ATP8A1: variants seen among roughly 807,000 people sequenced by gnomAD.
The protein encoded by ATP8A1 is phospholipid-transporting ATPase IA.
ATP8A1 carries 90 observed loss-of-function variants against 177.7 expected under a neutral mutation model. The observed-to-expected ratio is 0.51, with a 90% confidence interval of 0.43 to 0.60. ATP8A1 has a LOEUF of 0.60. Ranked by LOEUF, ATP8A1 falls within the 20% of genes least tolerant of loss-of-function variation. ATP8A1 has a pLI of 0.00. For synonymous variants in ATP8A1, 493 were observed against 485.9 expected (o/e 1.01, Z -0.19); for missense variants, 1,072 against 1,392.8 (o/e 0.77, Z 3.67).
intron 30 of ATP8A1, among the ~76,000 whole-genome samples, chr4:42,447,746 C>T (rs531387836): frequency 1.3e-5 from 2 of 152,206 alleles, no homozygotes; most frequent in East Asian, 3.9e-4. Flanking sequence ...TTTGGAGACA[C>T]CGAAGTTTAG....
intron 5 of ATP8A1, among the ~76,000 whole-genome samples, chr4:42,605,946 CCTCTT>C (rs1735756028): frequency 6.6e-6 from 1 of 152,132 alleles, no homozygotes; most frequent in African/African-American, 2.4e-5. Context: ...AGCTGACATT[CCTCTT>C]CTCAAGGCCA....
chr4:42,444,028 G>A (rs967700132), intron 32 of ATP8A1, among the ~76,000 whole-genome samples: 1 of 152,148 alleles, frequency 6.6e-6, no homozygotes, highest in Non-Finnish European at 1.5e-5. Context: ...AATATTATAT[G>A]TATGCTGATG....
chr4:42,537,916 T>C (rs1288613172), intron 20 of ATP8A1, among the ~76,000 whole-genome samples: 1 of 152,100 alleles, frequency 6.6e-6, no homozygotes, highest in African/African-American at 2.4e-5. Flanking sequence ...AATCCTAAAT[T>C]TTGTATGGAA....
At chr4:42,609,259 T>C (rs1272590516) in intron 5 of ATP8A1, among the ~76,000 whole-genome samples, 3 of 152,124 alleles carry the variant, frequency 2.0e-5, no homozygotes, top group African/African-American at 4.8e-5. Context: ...ACAGAAACTC[T>C]AGGTGTGAGT....
At chr4:42,523,634 G>C (rs980230823) in intron 21 of ATP8A1, among the ~76,000 whole-genome samples, 3 of 152,088 alleles carry the variant, frequency 2.0e-5, no homozygotes, top group Non-Finnish European at 4.4e-5. Flanking sequence ...ATAGGGTAGA[G>C]GTGGGGGCCA....
intron 20 of ATP8A1, among the ~76,000 whole-genome samples, chr4:42,535,587 C>T (rs376170764): frequency 6.6e-5 from 10 of 152,016 alleles, no homozygotes; most frequent in African/African-American, 2.4e-4. Context: ...AAACAATGGA[C>T]GTAAATTGTA....
intron 16 of ATP8A1, 138 bp from the exon 17 acceptor site, chr4:42,552,748 G>C (rs1231240659): frequency 7.1e-6 from 4 of 565,514 alleles, no homozygotes; most frequent in African/African-American, 5.9e-5. Context: ...AGCACTTTGG[G>C]AGGCCGAGGC....
At chr4:42,636,009 TG>T (rs1739300142) in intron 1 of ATP8A1, among the ~76,000 whole-genome samples, 1 of 151,270 alleles carries the variant, frequency 6.6e-6, no homozygotes, top group Non-Finnish European at 1.5e-5. Context: ...TGGCTTAGCA[TG>T]GGCCATGTGC....
At chr4:42,532,211 C>T (rs758360122) in intron 20 of ATP8A1, among the ~76,000 whole-genome samples, 9 of 151,984 alleles carry the variant, frequency 5.9e-5, no homozygotes, top group Non-Finnish European at 1.3e-4. Context: ...AAAAACAAAA[C>T]GCCTGTAATC....
At position 42,596,921 on chromosome 4, in the gene ATP8A1, C is replaced by T. The variant is rs190267942; in HGVS notation, c.450+3557G>A. 3.3e-5 allele frequency among the ~76,000 whole-genome samples: 5 copies of T among 152,288 alleles called. No homozygotes were observed. The East Asian group carries it at 7.7e-4, about 24-fold the overall frequency. ...TCTGTGGCAAGAGCAATGAAGCCAGCAGCTTACCGTTCAGGAGTCACAATG... is the reference window on the plus strand; with the variant it reads ...TCTGTGGCAAGAGCAATGAAGCCAGTAGCTTACCGTTCAGGAGTCACAATG... On this transcript the variant is annotated intron_variant, in intron 6 of 36. Coordinates refer to ENST00000381668, the MANE Select transcript of ATP8A1 (RefSeq NM_006095.2).
chr4:42,555,172 A>G (rs1730054426), intron 16 of ATP8A1, among the ~76,000 whole-genome samples: 1 of 136,562 alleles, frequency 7.3e-6, no homozygotes, highest in African/African-American at 3.0e-5. Context: ...CTATCTATCT[A>G]TCTATCTATC....
At chr4:42,639,352 C>G (rs1475635327) in intron 1 of ATP8A1, among the ~76,000 whole-genome samples, 1 of 152,068 alleles carries the variant, frequency 6.6e-6, no homozygotes, top group Non-Finnish European at 1.5e-5. Flanking sequence ...GATTTTTCCC[C>G]CTTTCATCTG....
At position 42,485,730 on chromosome 4, in the gene ATP8A1, C is replaced by A; in HGVS notation, c.2152-62G>T. On this transcript the variant is annotated intron_variant, in intron 24 of 36. Coordinates refer to ENST00000381668, the MANE Select transcript of ATP8A1 (RefSeq NM_006095.2). ...TACTCCCATTTGTTCTACTAGGATG[C>A]CTTAAGGATATTTGGCAACTACATT... The A allele has an allele frequency of 2.9e-6, 4 of 1,384,696 alleles. No homozygotes were observed. The Middle Eastern group carries it at 5.5e-4, about 191-fold the overall frequency. 85.8% of individuals were successfully genotyped at this position (1,384,696 alleles called of 1,614,324 possible).
chr4:42,423,598 T>G lies in ATP8A1; in HGVS notation c.3212+19A>C. ...ATATGCATCTATATTTCTCCGTATA[T>G]AACTGAGTATATACTTACACCTTGT... is the stretch of plus-strand genomic sequence containing the variant. On this transcript the variant is annotated intron_variant, in intron 34 of 36. Coordinates refer to ENST00000381668, the MANE Select transcript of ATP8A1 (RefSeq NM_006095.2). 1 of 1,554,382 alleles carries G rather than the reference T, an allele frequency of 6.4e-7. No individual in the cohort carries two copies. The highest frequency in any genetic ancestry group is 2.3e-5 in the East Asian group (1 of 44,388).
chr4:42,476,868 A>G (rs1721121399), intron 25 of ATP8A1, among the ~76,000 whole-genome samples: 1 of 152,224 alleles, frequency 6.6e-6, no homozygotes, highest in African/African-American at 2.4e-5. Context: ...GCAGGAAAAA[A>G]GAGAAGAAAC....
chr4:42,566,373 A>C (rs537637762), intron 15 of ATP8A1, among the ~76,000 whole-genome samples: 5 of 152,322 alleles, frequency 3.3e-5, no homozygotes, highest in African/African-American at 1.2e-4. Context: ...GGATTTATAG[A>C]GTCATCTATA....
intron 29 of ATP8A1, among the ~76,000 whole-genome samples, chr4:42,453,643 G>A (rs1718171170): frequency 6.6e-6 from 1 of 152,226 alleles, no homozygotes; most frequent in Non-Finnish European, 1.5e-5. Flanking sequence ...GCCTTTGCAG[G>A]AATGATTTGG....
chr4:42,420,027 A>C (rs1398880533), intron 35 of ATP8A1, among the ~76,000 whole-genome samples: 1 of 152,186 alleles, frequency 6.6e-6, no homozygotes, highest in Admixed American at 6.5e-5. Context: ...AAACAAAAAA[A>C]AAAAACTGCT....
intron 25 of ATP8A1, among the ~76,000 whole-genome samples, chr4:42,466,806 T>A (rs900337380): frequency 1.3e-5 from 2 of 152,246 alleles, no homozygotes; most frequent in African/African-American, 4.8e-5. Context: ...TATTTAATTT[T>A]TCTTACCAGG....
Sources: gnomAD v4.1 joint callset for allele counts (sites outside exome capture counted in the v4.1 genomes callset) on GRCh38, gnomAD v4.1.1 for gene constraint, MANE v1.5 for transcripts, NCBI Gene and HGNC (gene_info 2026-07-23, HGNC 2026-07-21) for gene names.